The following DENND5A variants were observed in gnomAD, a reference collection of about 807,000 sequenced individuals.
The protein encoded by DENND5A is DENN domain containing 5A.
DENND5A carries 64 observed loss-of-function variants against 140.3 expected under a neutral mutation model. The observed-to-expected ratio is 0.46, with a 90% CI of 0.37 to 0.56. DENND5A has a LOEUF of 0.56. Among genes scored for constraint, DENND5A ranks in the 20% least tolerant of loss-of-function variants. The pLI, the probability that DENND5A is intolerant of heterozygous loss-of-function variation, is 0.00. For synonymous variants in DENND5A, 605 were observed against 607.7 expected (o/e 1.00, Z 0.07); for missense variants, 1,292 against 1,593.8 (o/e 0.81, Z 3.22).
chr11:9,153,486 C>T (rs1240617655), intron 12 of DENND5A, among the ~76,000 whole-genome samples: 1 of 151,678 alleles, frequency 6.6e-6, no homozygotes, highest in Non-Finnish European at 1.5e-5. Flanking sequence ...TCCTGAATTT[C>T]CTAAAATATT....
intron 1 of DENND5A, among the ~76,000 whole-genome samples, chr11:9,217,819 C>T (rs1225547601): frequency 6.6e-6 from 1 of 152,144 alleles, no homozygotes; most frequent in Non-Finnish European, 1.5e-5. Context: ...TAGTAAAATA[C>T]AGTCTCCTAC....
rs549634697 is a variant in DENND5A, at chr11:9,253,709, C to T, written c.109+11252G>A. On this transcript the variant is annotated intron_variant, in intron 1 of 22. Transcript: ENST00000328194. ...CTTGAGCCCAGAGGTTCAAGACCAG[C>T]CTGGGCCCATTAGCAGGTATAGTGA... Among the ~76,000 whole-genome samples, 4 of 152,078 alleles carry T rather than the reference C, an allele frequency of 2.6e-5. No homozygotes were observed. The East Asian group carries it at 7.7e-4, about 29-fold the overall frequency.
chr11:9,157,791 T>C (rs1847859607), intron 12 of DENND5A, among the ~76,000 whole-genome samples: 1 of 152,216 alleles, frequency 6.6e-6, no homozygotes, highest in Non-Finnish European at 1.5e-5. Context: ...GCAATGAACA[T>C]ACACGTGCAT....
At chr11:9,222,778 G>C (rs947936563) in intron 1 of DENND5A, among the ~76,000 whole-genome samples, 13 of 152,176 alleles carry the variant, frequency 8.5e-5, no homozygotes, top group African/African-American at 3.1e-4. Flanking sequence ...CCTGGATACA[G>C]CCTTGACTGA....
intron 19 of DENND5A, 90 bp downstream of exon 19, chr11:9,144,007 G>T: frequency 6.8e-7 from 1 of 1,461,482 alleles, no homozygotes; most frequent in Non-Finnish European, 9.2e-7. Context: ...TGCACAGGCT[G>T]GGACCCAGGT....
chr11:9,204,351 ACACT>A (rs1366132009), intron 3 of DENND5A, 34 bp from the exon 4 acceptor site: 1 of 1,583,324 alleles, frequency 6.3e-7, no homozygotes, highest in South Asian at 1.1e-5. Context: ...AGCAGTGAGA[ACACT>A]CACTGGCGAT....
At chr11:9,183,907 C>T (rs1040908299) in intron 5 of DENND5A, among the ~76,000 whole-genome samples, 1 of 151,990 alleles carries the variant, frequency 6.6e-6, no homozygotes, top group African/African-American at 2.4e-5. Flanking sequence ...CATTTGAGGC[C>T]GGGCGCCGTG....
intron 1 of DENND5A, among the ~76,000 whole-genome samples, chr11:9,247,225 G>A (rs1319294411): frequency 5.7e-5 from 8 of 139,430 alleles, no homozygotes; most frequent in Admixed American, 1.5e-4. Context: ...GCGAGACTCC[G>A]TCTTAAAAAA....
chr11:9,254,994 C>T (rs1851884386), intron 1 of DENND5A, among the ~76,000 whole-genome samples: 1 of 151,954 alleles, frequency 6.6e-6, no homozygotes, highest in Non-Finnish European at 1.5e-5. Flanking sequence ...TCGCTTGAAC[C>T]CAGGAGGCAG....
chr11:9,258,394 G>C (rs1303988077), intron 1 of DENND5A, among the ~76,000 whole-genome samples: 2 of 146,914 alleles, frequency 1.4e-5, no homozygotes, highest in Non-Finnish European at 3.0e-5. Context: ...TTCTGTTCTT[G>C]TGATAGTTTG....
chr11:9,263,633 G>C (rs112536892), intron 1 of DENND5A, among the ~76,000 whole-genome samples: 29,977 of 144,730 alleles, frequency 0.21, 3,288 homozygotes, highest in African/African-American at 0.26. Flanking sequence ...ATGAGGTCAG[G>C]AGATCGAGAC....
intron 1 of DENND5A, among the ~76,000 whole-genome samples, chr11:9,232,258 T>C (rs34729888): frequency 0.28 from 43,035 of 151,960 alleles, 6,760 homozygotes; most frequent in South Asian, 0.49. Flanking sequence ...TTTAAAACTT[T>C]TGTTCCTTGA....
intron 1 of DENND5A, among the ~76,000 whole-genome samples, chr11:9,241,218 T>G (rs984434854): frequency 6.6e-6 from 1 of 152,196 alleles, no homozygotes; most frequent in African/African-American, 2.4e-5. Flanking sequence ...GAATTTGCAG[T>G]CATGTAGGTG....
At position 9,139,830 on chromosome 11, in the gene DENND5A, A is replaced by G; in HGVS notation, c.3705T>C (p.Ile1235=). The G allele has an allele frequency of 6.2e-7, 1 of 1,614,132 alleles. No homozygotes were observed. Among genetic ancestry groups the G allele is most frequent in the Non-Finnish European group, 8.5e-7 (1 of 1,180,034 alleles). ...TGATGGGGCAGTCAGCCAGCAGGGC[A>G]ATCCAGTGGTGTAGGAGGTGATCTC... ...GARDHLLHHW[I]ALLADCPITA... Residue 1235 remains isoleucine, a synonymous_variant, in exon 23 of 23, where the codon ATT becomes ATC. Transcript: ENST00000328194.
intron 3 of DENND5A, 102 bp from the exon 4 acceptor site, chr11:9,204,419 G>T: frequency 8.8e-7 from 1 of 1,139,066 alleles, no homozygotes; most frequent in Non-Finnish European, 1.2e-6. Context: ...CTACTAAGCT[G>T]AGCGTGTATC....
In DENND5A at chr11:9,170,966, A is replaced by C. The variant is rs950678761; in HGVS notation, c.1907-189T>G. On this transcript the variant is annotated intron_variant, in intron 8 of 22. Coordinates refer to ENST00000328194, the MANE Select transcript of DENND5A (RefSeq NM_015213.4). The stretch of plus-strand genomic sequence containing the variant: ...AATAATATAAAATGATAAACTTCAG[A>C]ATACTGGACATCAGGCAATGAAGGG... The C allele has an allele frequency of 1.8e-5, 18 of 992,734 alleles. No homozygotes were observed. In the East Asian group the frequency reaches 4.4e-4, roughly 24 times the overall value. The allele number at this position is 992,734 out of a possible 1,614,324, so 61.5% of individuals were successfully genotyped here.
chr11:9,162,206 T>A (rs12286943), intron 11 of DENND5A, among the ~76,000 whole-genome samples: 17,748 of 148,368 alleles, frequency 0.12, 1,236 homozygotes, highest in South Asian at 0.17. Context: ...TATTACATCA[T>A]TATGACCAGC....
intron 12 of DENND5A, among the ~76,000 whole-genome samples, chr11:9,157,692 T>A (rs572096624): frequency 2.5e-4 from 38 of 152,352 alleles, no homozygotes; most frequent in African/African-American, 9.1e-4. Flanking sequence ...TGTAGTGTTG[T>A]ATGGTGTGTA....
chr11:9,184,456 T>C (rs529428736), intron 5 of DENND5A, among the ~76,000 whole-genome samples: 1 of 152,338 alleles, frequency 6.6e-6, no homozygotes, highest in East Asian at 1.9e-4. Context: ...TATATATGGG[T>C]ATATCCTAGG....
Sources: gnomAD v4.1 joint callset for allele counts (sites outside exome capture counted in the v4.1 genomes callset) on GRCh38, gnomAD v4.1.1 for gene constraint, MANE v1.5 for transcripts, NCBI Gene and HGNC (gene_info 2026-07-23, HGNC 2026-07-21) for gene names.